BCL2: variants seen among roughly 807,000 people sequenced by gnomAD.
BCL2 encodes the protein apoptosis regulator Bcl-2.
Under a neutral mutation model 14.2 loss-of-function variants are expected in BCL2, and 1 was observed. The observed-to-expected ratio is 0.07, with a 90% confidence interval of 0.02 to 0.33. The LOEUF is 0.33. BCL2 is among the 10% of genes least tolerant of loss of function. The pLI, the probability that BCL2 is intolerant of heterozygous loss-of-function variation, is 0.99. For missense variants in BCL2, 247 were observed against 305.9 expected (o/e 0.81, Z 1.44); for synonymous variants, 151 against 137.2 (o/e 1.10, Z -0.70).
In BCL2 at chr18:63,289,525, TAGGTTGC is replaced by T. The variant is rs1309990423; in HGVS notation, c.585+28550_585+28556del. Among the ~76,000 whole-genome samples the T allele has an allele frequency of 1.6e-4, 24 of 152,072 alleles. No homozygotes were observed. The South Asian group carries it at 4.4e-3, about 28-fold the overall frequency. On this transcript the variant is annotated intron_variant, in intron 2 of 2. Coordinates refer to ENST00000333681, the MANE Select transcript of BCL2 (RefSeq NM_000633.3). ...AGGGAATGATGAAGAAAATGTCACA[TAGGTTGC>T]AGTGAAAGATGGAGAGAGGAATTTG... is the stretch of plus-strand genomic sequence containing the variant.
At chr18:63,141,860 G>A (rs1409932015) in intron 2 of BCL2, among the ~76,000 whole-genome samples, 1 of 152,260 alleles carries the variant, frequency 6.6e-6, no homozygotes, top group African/African-American at 2.4e-5. Context: ...TTTGGGCCAA[G>A]CGTGCCGTGG....
At chr18:63,298,768 T>G (rs1446869550) in intron 2 of BCL2, among the ~76,000 whole-genome samples, 2 of 152,200 alleles carry the variant, frequency 1.3e-5, no homozygotes, top group African/African-American at 4.8e-5. Flanking sequence ...TCATTGCCAT[T>G]GTTATTTCTA....
At chr18:63,207,640 G>A (rs892650314) in intron 2 of BCL2, 2 of 152,180 alleles carry the variant, frequency 1.3e-5, no homozygotes. Flanking sequence ...AGTCCACCTG[G>A]AACTTCTGCC....
chr18:63,266,637 T>TCTCTCTCACACACACACA (rs1491465885), intron 2 of BCL2, among the ~76,000 whole-genome samples: 44 of 85,938 alleles, frequency 5.1e-4, no homozygotes, highest in African/African-American at 1.5e-3. Flanking sequence ...TCTCTCTCTC[T>TCTCTCTCACACACACACA]CACACACACA....
At chr18:63,139,137 G>A (rs1170035132) in intron 2 of BCL2, among the ~76,000 whole-genome samples, 1 of 152,132 alleles carries the variant, frequency 6.6e-6, no homozygotes, top group Non-Finnish European at 1.5e-5. Flanking sequence ...GGGAAGCACA[G>A]AACCAAGTTC....
Position 63,318,760 on chromosome 18 carries a change from G to A in BCL2, c.-94C>T, listed in dbSNP as rs1913596096. ...GAGAAAGAAGAGGAGTTATAATCCA[G>A]CTATTTTATTGGATGTGCTTTGCAT... On this transcript the variant is annotated 5_prime_UTR_variant, in exon 2 of 3. Coordinates refer to ENST00000333681, the MANE Select transcript of BCL2 (RefSeq NM_000633.3). The surrounding 1 kb of genome is among the most constrained non-coding windows in gnomAD (Gnocchi z 7.4). The A allele has an allele frequency of 1.4e-5, 21 of 1,551,672 alleles. No homozygotes were observed. The highest frequency in any genetic ancestry group is 1.8e-5 in the Non-Finnish European group (21 of 1,151,590).
chr18:63,313,162 G>A (rs553394346), intron 2 of BCL2, among the ~76,000 whole-genome samples: 11 of 152,214 alleles, frequency 7.2e-5, no homozygotes, highest in African/African-American at 2.2e-4. Context: ...TGATAACTAC[G>A]AGTTTATTAA....
chr18:63,272,748 A>T (rs1912040224), intron 2 of BCL2, among the ~76,000 whole-genome samples: 1 of 152,254 alleles, frequency 6.6e-6, no homozygotes, highest in Admixed American at 6.5e-5. Flanking sequence ...CACACACAGC[A>T]GGCTGCCGTA....
In BCL2 at chr18:63,123,590, A is replaced by G. The variant is rs1320299638; in HGVS notation, c.*5035T>C. ...AATCTTAAAAAGAGCCATGGAAGGTAAAAGTATGAAAATCTTGATAACAAA... is the reference window on the plus strand; with the variant it reads ...AATCTTAAAAAGAGCCATGGAAGGTGAAAGTATGAAAATCTTGATAACAAA... On this transcript the variant is annotated 3_prime_UTR_variant, in exon 3 of 3. Transcript: ENST00000333681. 4.8e-6 allele frequency: 1 copy of G among 209,904 alleles called. No individual in the cohort carries two copies. The highest frequency in any genetic ancestry group is 2.3e-5 in the African/African-American group (1 of 43,964). 13.0% of individuals were successfully genotyped at this position (209,904 alleles called of 1,614,324 possible).
chr18:63,308,178 GTCTTTAGAAATGGAA>G, intron 2 of BCL2, among the ~76,000 whole-genome samples: 1 of 152,350 alleles, frequency 6.6e-6, no homozygotes, highest in Middle Eastern at 3.4e-3. Flanking sequence ...GTTGAGCAGT[GTCTTTAGAAATGGAA>G]TCTTAGGTTC....
chr18:63,131,603 C>A (rs1386545995), intron 2 of BCL2, among the ~76,000 whole-genome samples: 1 of 152,216 alleles, frequency 6.6e-6, no homozygotes, highest in Non-Finnish European at 1.5e-5. Flanking sequence ...CCATGCTTCT[C>A]TCTCTGAGGG....
intron 2 of BCL2, among the ~76,000 whole-genome samples, chr18:63,241,329 C>T (rs556408099): frequency 6.6e-6 from 1 of 152,314 alleles, no homozygotes; most frequent in Admixed American, 6.5e-5. Context: ...CACTTAAAAA[C>T]CAATCACAAA....
intron 2 of BCL2, among the ~76,000 whole-genome samples, chr18:63,266,637 T>TCTCTCTCTCTCACACACACACACA (rs1491465885): frequency 1.2e-5 from 1 of 85,940 alleles, no homozygotes; most frequent in African/African-American, 3.6e-5. Context: ...TCTCTCTCTC[T>TCTCTCTCTCTCACACACACACACA]CACACACACA....
intron 2 of BCL2, among the ~76,000 whole-genome samples, chr18:63,204,118 C>G (rs1409987125): frequency 6.6e-6 from 1 of 152,194 alleles, no homozygotes; most frequent in African/African-American, 2.4e-5. Flanking sequence ...ACTTCTGGTA[C>G]TTACCCTGCT....
chr18:63,128,647 C>T lies in BCL2; in HGVS notation c.698G>A (p.Gly233Asp), dbSNP rs376149674. 6.4e-6 allele frequency: 5 copies of T among 780,874 alleles called. No homozygotes were observed. Among genetic ancestry groups the T allele is most frequent in the African/African-American group, 1.7e-5 (1 of 59,212 alleles). The allele number at this position is 780,874 out of a possible 1,614,324, so 48.4% of individuals were successfully genotyped here. A position where few individuals can be genotyped will look rare whatever the true frequency, so the allele number is the denominator to read the frequency against. ...ACTTCACTTGTGGCCCAGATAGGCACCCAGGGTGATGCAAGCTCCCACCAG... is the reference window on the plus strand; with the variant it reads ...ACTTCACTTGTGGCCCAGATAGGCATCCAGGGTGATGCAAGCTCCCACCAG... Reference protein sequence around the residue: ...LALVGACITLGAYLGHK With the variant: ...LALVGACITLDAYLGHK The change falls in exon 3 of 3, where the codon GGT becomes GAT. Residue 233 changes from glycine to aspartate, a missense_variant. Around this residue, in one of 3 missense-constraint regions of BCL2, gnomAD observed 36 missense variants for 24.9 expected, o/e 1.45. Coordinates refer to ENST00000333681, the MANE Select transcript of BCL2 (RefSeq NM_000633.3).
intron 2 of BCL2, among the ~76,000 whole-genome samples, chr18:63,152,616 T>A (rs1017028392): frequency 2.5e-4 from 38 of 152,030 alleles, no homozygotes; most frequent in African/African-American, 8.7e-4. Context: ...ACATACAGAG[T>A]GCTACTCCTA....
intron 2 of BCL2, among the ~76,000 whole-genome samples, chr18:63,154,081 A>G (rs551566149): frequency 6.6e-6 from 1 of 152,166 alleles, no homozygotes; most frequent in Non-Finnish European, 1.5e-5. Context: ...GCACAAAGGG[A>G]ACTGATTACA....
At chr18:63,314,198 ATTAT>A (rs1402144690) in intron 2 of BCL2, 2 of 152,226 alleles carry the variant, frequency 1.3e-5, no homozygotes, top group Non-Finnish European at 2.9e-5. Flanking sequence ...CATGAAATAT[ATTAT>A]TTAAGACTAG....
intron 2 of BCL2, among the ~76,000 whole-genome samples, chr18:63,255,107 G>A (rs1004242241): frequency 3.9e-5 from 6 of 152,212 alleles, no homozygotes; most frequent in African/African-American, 1.4e-4. Flanking sequence ...ACGGAAAGGA[G>A]TTAACATCAT....
Sources: gnomAD v4.1 joint callset for allele counts (sites outside exome capture counted in the v4.1 genomes callset) on GRCh38, gnomAD v4.1.1 for gene constraint, gnomAD v4.1.1 regional missense constraint, Gnocchi (gnomAD v3.1) non-coding constraint, MANE v1.5 for transcripts, NCBI Gene and HGNC (gene_info 2026-07-23, HGNC 2026-07-21) for gene names.